COL6A6: variants seen among roughly 807,000 people sequenced by gnomAD.
COL6A6 encodes the protein collagen type VI alpha 6 chain.
Under a neutral mutation model 208.6 loss-of-function variants are expected in COL6A6, and 183 were observed. That is an observed-to-expected ratio of 0.88 (90% CI 0.78 to 0.99). The LOEUF (loss-of-function observed/expected upper bound fraction) is 0.99. Ranked by LOEUF, COL6A6 falls within the 50% of genes least tolerant of loss-of-function variation. The pLI is 0.00. For synonymous variants in COL6A6, 973 were observed against 1,011.8 expected (o/e 0.96, Z 0.73); for missense variants, 2,816 against 2,815.2 (o/e 1.00, Z -0.01).
chr3:130,531,510 A>G (rs1415260155), intron 1 of COL6A6, among the ~76,000 whole-genome samples: 2 of 152,152 alleles, frequency 1.3e-5, no homozygotes, highest in African/African-American at 2.4e-5. Context: ...CACATAGCCT[A>G]CATTCTCTTC....
chr3:130,540,189 T>A (rs778823954), intron 1 of COL6A6, among the ~76,000 whole-genome samples: 20 of 152,174 alleles, frequency 1.3e-4, no homozygotes, highest in Non-Finnish European at 2.6e-4. Flanking sequence ...AATAGACGAC[T>A]TTTTTAGAGC....
chr3:130,663,467 T>C (rs1399350774), intron 35 of COL6A6, among the ~76,000 whole-genome samples: 1 of 152,060 alleles, frequency 6.6e-6, no homozygotes, highest in African/African-American at 2.4e-5. Context: ...TATTCTGGAA[T>C]AGAAGCCAGA....
chr3:130,580,647 A>G (rs1407571332), intron 8 of COL6A6, among the ~76,000 whole-genome samples: 1 of 152,250 alleles, frequency 6.6e-6, no homozygotes. Context: ...GCTGAAAAAA[A>G]TTAGAGTTTT....
At chr3:130,652,309 G>T (rs1323413354) in intron 33 of COL6A6, among the ~76,000 whole-genome samples, 1 of 152,232 alleles carries the variant, frequency 6.6e-6, no homozygotes, top group Non-Finnish European at 1.5e-5. Context: ...AAACCCCAGT[G>T]ATGTGTTTCT....
chr3:130,676,407 A>G lies in COL6A6; in HGVS notation c.*1010A>G, dbSNP rs1469522800. 1 of 152,242 alleles carries G rather than the reference A, an allele frequency of 6.6e-6. No homozygotes were observed. Among genetic ancestry groups the G allele is most frequent in the African/African-American group, 2.4e-5 (1 of 41,470 alleles). The allele number at this position is 152,242 out of a possible 1,614,324, so 9.4% of individuals were successfully genotyped here. ...TAAGTTAAAGTAGGAAAGGTTTTAT[A>G]AAAGTATTGATGGCTGTGTCCTCAT... On this transcript the variant is annotated 3_prime_UTR_variant, in exon 37 of 37. Coordinates refer to ENST00000358511, the MANE Select transcript of COL6A6 (RefSeq NM_001102608.3).
At chr3:130,638,600 A>G (rs140276223) in intron 28 of COL6A6, among the ~76,000 whole-genome samples, 2 of 152,346 alleles carry the variant, frequency 1.3e-5, no homozygotes, top group South Asian at 4.1e-4. Flanking sequence ...AAACTCATCC[A>G]GTAGCCTGCT....
chr3:130,608,181 A>G (rs772143000), intron 21 of COL6A6, among the ~76,000 whole-genome samples: 2 of 152,236 alleles, frequency 1.3e-5, no homozygotes, highest in Admixed American at 6.5e-5. Flanking sequence ...AAATGCATGC[A>G]TTCAGACTAC....
In COL6A6 at chr3:130,574,376, A is replaced by G; in HGVS notation, c.3398A>G (p.Tyr1133Cys). Reference protein sequence around the residue: ...EALRHRGIDIYSVGIGDVDDQ... With the variant: ...EALRHRGIDICSVGIGDVDDQ... ...CTGAGACACAGAGGTATCGACATCT[A>G]CTCCGTGGGCATTGGGGATGTGGAT... Residue 1133 changes from tyrosine to cysteine, a missense_variant, in exon 8 of 37, where the codon TAC becomes TGC. Physicochemically the swap from Tyr to Cys is radical, Grantham distance 194. Transcript: ENST00000358511. 6.2e-6 allele frequency: 10 copies of G among 1,613,832 alleles called. No homozygotes were observed. The highest frequency in any genetic ancestry group is 7.6e-6 in the Non-Finnish European group (9 of 1,179,868).
intron 28 of COL6A6, among the ~76,000 whole-genome samples, chr3:130,639,815 A>G (rs78728645): frequency 0.055 from 8,402 of 152,192 alleles, 432 homozygotes; most frequent in Admixed American, 0.18. Context: ...TCTGAAATCA[A>G]TATCTTTTGG....
chr3:130,659,432 C>A (rs754647599), intron 34 of COL6A6, among the ~76,000 whole-genome samples: 1 of 152,188 alleles, frequency 6.6e-6, no homozygotes, highest in African/African-American at 2.4e-5. Context: ...AAAGCATTTT[C>A]TATAGGCCAT....
At chr3:130,643,502 T>C (rs2065377799) in intron 31 of COL6A6, among the ~76,000 whole-genome samples, 1 of 152,212 alleles carries the variant, frequency 6.6e-6, no homozygotes, top group Non-Finnish European at 1.5e-5. Flanking sequence ...GTTGGACTGA[T>C]TGATTTGCTT....
At chr3:130,516,897 C>T (rs896874018), upstream of COL6A6, among the ~76,000 whole-genome samples, 1 of 152,226 alleles carries the variant, frequency 6.6e-6, no homozygotes, top group Non-Finnish European at 1.5e-5. Flanking sequence ...GCACGCCCTG[C>T]CTATCTTTGG....
chr3:130,556,667 T>A lies in COL6A6; in HGVS notation c.-31-3667T>A, dbSNP rs76185777. 2.5e-4 allele frequency among the ~76,000 whole-genome samples: 38 copies of A among 152,356 alleles called. No homozygotes were observed. The East Asian group carries it at 7.3e-3, about 29-fold the overall frequency. On this transcript the variant is annotated intron_variant, in intron 1 of 36. Transcript: ENST00000358511. ...TGCTTTAATTTTTAGTATTGTAGTA[T>A]CTATTTCTTAGATTTATTCTTTTTT...
At chr3:130,651,760 A>C (rs2065651833) in intron 33 of COL6A6, among the ~76,000 whole-genome samples, 5 of 152,208 alleles carry the variant, frequency 3.3e-5, no homozygotes, top group Admixed American at 3.3e-4. Flanking sequence ...GGTTTTGTTT[A>C]GTCATAAAAG....
rs573337290 is a variant in COL6A6, at chr3:130,655,555, G to A, written c.5734-3121G>A. The stretch of plus-strand genomic sequence containing the variant: ...CAAAGAGAACTCACCCATGATCCCA[G>A]TTGCTGTGAGAGATCAATGGGCACA... On this transcript the variant is annotated intron_variant, in intron 33 of 36. Transcript: ENST00000358511. Among the ~76,000 whole-genome samples the A allele has an allele frequency of 3.9e-5, 6 of 152,310 alleles. No individual in the cohort carries two copies. In the East Asian group the frequency reaches 1.2e-3, roughly 29 times the overall value.
intron 36 of COL6A6, among the ~76,000 whole-genome samples, chr3:130,670,486 G>A (rs564613971): frequency 2.0e-5 from 3 of 152,070 alleles, no homozygotes; most frequent in Admixed American, 6.5e-5. Flanking sequence ...TTGGGGAGTC[G>A]GAACCTAGAG....
At chr3:130,609,947 G>C (rs1199553724) in intron 22 of COL6A6, among the ~76,000 whole-genome samples, 1 of 139,224 alleles carries the variant, frequency 7.2e-6, no homozygotes, top group Admixed American at 7.6e-5. Flanking sequence ...GCTGAGGAAA[G>C]CTCACTTTTT....
At chr3:130,635,358 ATCT>A (rs1425750378) in intron 27 of COL6A6, among the ~76,000 whole-genome samples, 1 of 152,242 alleles carries the variant, frequency 6.6e-6, no homozygotes, top group African/African-American at 2.4e-5. Flanking sequence ...TAGCAATGAC[ATCT>A]TCTACCTTGG....
At position 130,551,130 on chromosome 3, in the gene COL6A6, T is replaced by C. The variant is rs76030339; in HGVS notation, c.-31-9204T>C. ...ATCTTGGCCTGAAGCTTTTTTTTTT[T>C]CTGTGTGTGTGTATGTCTTTCAGGT... On this transcript the variant is annotated intron_variant, in intron 1 of 36. Coordinates refer to ENST00000358511, the MANE Select transcript of COL6A6 (RefSeq NM_001102608.3). 4.7e-4 allele frequency among the ~76,000 whole-genome samples: 70 copies of C among 150,246 alleles called. 1 individual carries two copies. The highest frequency in any genetic ancestry group is 4.3e-4 in the Non-Finnish European group (29 of 67,386).
Sources: allele counts gnomAD v4.1 joint callset (sites outside exome capture counted in the v4.1 genomes callset), GRCh38; gene constraint gnomAD v4.1.1; transcripts MANE v1.5; gene names NCBI Gene and HGNC (gene_info 2026-07-23, HGNC 2026-07-21).